The following RYR3 variants were observed in gnomAD, a reference collection of about 807,000 sequenced individuals.
RYR3 encodes the protein ryanodine receptor 3, also known as brain ryanodine receptor-calcium release channel.
A neutral mutation model predicts 584.3 loss-of-function variants in RYR3; 207 were observed. The observed-to-expected ratio is 0.35, with a 90% CI of 0.32 to 0.40. RYR3 has a LOEUF of 0.40. RYR3 is among the 10% of genes least tolerant of loss of function. RYR3 has a pLI of 1.00. For missense variants in RYR3, 5,616 were observed against 6,089.2 expected (o/e 0.92, Z 2.59); for synonymous variants, 2,416 against 2,248.5 (o/e 1.07, Z -2.11).
intron 85 of RYR3, among the ~76,000 whole-genome samples, chr15:33,828,608 A>G (rs8036469): frequency 0.68 from 103,088 of 152,118 alleles, 35,423 homozygotes; most frequent in South Asian, 0.79. Context: ...CAACATTCTC[A>G]TAAGCCACAA....
At chr15:33,748,007 T>C in intron 53 of RYR3, 107 bp from the exon 54 acceptor site, 1 of 990,138 alleles carries the variant, frequency 1.0e-6, no homozygotes, top group Admixed American at 2.0e-5. Context: ...AGGCTGGTGC[T>C]AACTAGCACC....
chr15:33,528,047 A>G (rs933011558), intron 3 of RYR3, among the ~76,000 whole-genome samples: 3 of 152,256 alleles, frequency 2.0e-5, no homozygotes, highest in South Asian at 2.1e-4. Flanking sequence ...ACCCCTCGTA[A>G]TGCTTTCATG....
chr15:33,550,072 G>A, intron 9 of RYR3, 88 bp from the exon 10 acceptor site: 1 of 1,361,496 alleles, frequency 7.3e-7, no homozygotes, highest in South Asian at 1.4e-5. Flanking sequence ...TTATAAGTCT[G>A]CTAGCATGTG....
chr15:33,446,221 G>A (rs913827078), intron 1 of RYR3, among the ~76,000 whole-genome samples: 6 of 152,214 alleles, frequency 3.9e-5, no homozygotes, highest in Admixed American at 2.0e-4. Context: ...TGTTCTCCTC[G>A]CAAGGACCAG....
rs192996620 is a variant in RYR3 at position 33,311,111 on chromosome 15, C to T, written c.51+15C>T. The T allele has an allele frequency of 5.1e-6, 8 of 1,564,094 alleles. No homozygotes were observed. The highest frequency in any genetic ancestry group is 4.2e-5 in the African/African-American group (3 of 71,208). ...TTCTGAGGACTGTGAGTCTCCGCGG[C>T]GGGGGCGAGGCCGTGGGCAGGTGGG... On this transcript the variant is annotated intron_variant, in intron 1 of 103. Coordinates refer to ENST00000634891, the MANE Select transcript of RYR3 (RefSeq NM_001036.6). The surrounding 1 kb of genome is among the most constrained non-coding windows in gnomAD (Gnocchi z 4.4).
At chr15:33,433,226 C>T (rs1015688261) in intron 1 of RYR3, among the ~76,000 whole-genome samples, 2 of 152,144 alleles carry the variant, frequency 1.3e-5, no homozygotes, top group African/African-American at 4.8e-5. Flanking sequence ...CGAGGGGTCC[C>T]TATACTGCTT....
chr15:33,553,690 T>C (rs892856325), intron 10 of RYR3, among the ~76,000 whole-genome samples: 2 of 152,176 alleles, frequency 1.3e-5, no homozygotes, highest in Non-Finnish European at 2.9e-5. Flanking sequence ...GGATGTAGTA[T>C]TACTTCCAAA....
chr15:33,523,871 A>G (rs1244501563), intron 3 of RYR3, among the ~76,000 whole-genome samples: 2 of 152,082 alleles, frequency 1.3e-5, no homozygotes, highest in East Asian at 3.9e-4. Context: ...GGTATCGTCA[A>G]TAAAGGCTGC....
At chr15:33,800,195 G>A (rs955296487) in intron 67 of RYR3, among the ~76,000 whole-genome samples, 3 of 152,112 alleles carry the variant, frequency 2.0e-5, no homozygotes, top group Non-Finnish European at 4.4e-5. Flanking sequence ...GAAGATAATT[G>A]ATCTCTGCTT....
In RYR3 at chr15:33,585,979, G is replaced by A. The variant is rs965451708; in HGVS notation, c.1670-19G>A. The A allele has an allele frequency of 6.0e-6, 9 of 1,492,106 alleles. No homozygotes were observed. The Admixed American group carries it at 8.4e-5, about 14-fold the overall frequency. The allele number at this position is 1,492,106 out of a possible 1,614,324, so 92.4% of individuals were successfully genotyped here. ...AGGGCATTTAATGTCCAAATTTGAT[G>A]TTTGTGGCATTCATGTAGGTATCTT... On this transcript the variant is annotated intron_variant, in intron 15 of 103. Coordinates refer to ENST00000634891, the MANE Select transcript of RYR3 (RefSeq NM_001036.6).
intron 2 of RYR3, among the ~76,000 whole-genome samples, chr15:33,477,563 A>C (rs1596306515): frequency 1.8e-5 from 2 of 109,052 alleles, no homozygotes; most frequent in Admixed American, 9.6e-5. Context: ...ATTTAAAGGT[A>C]TCTTGTTTTG....
At chr15:33,700,127 C>T (rs573586968) in intron 41 of RYR3, among the ~76,000 whole-genome samples, 1 of 152,304 alleles carries the variant, frequency 6.6e-6, no homozygotes, top group African/African-American at 2.4e-5. Context: ...CAAAATGCCC[C>T]TGGGATTGCA....
At chr15:33,586,827 T>G (rs900809779) in intron 16 of RYR3, among the ~76,000 whole-genome samples, 5 of 151,372 alleles carry the variant, frequency 3.3e-5, no homozygotes, top group Non-Finnish European at 5.9e-5. Flanking sequence ...ATATGGGGAG[T>G]TTTTTTTCCT....
chr15:33,707,484 G>A (rs1361633756), intron 43 of RYR3, among the ~76,000 whole-genome samples: 1 of 152,088 alleles, frequency 6.6e-6, no homozygotes, highest in Non-Finnish European at 1.5e-5. Flanking sequence ...TAAAAGATAA[G>A]TAAACTCCCA....
At chr15:33,524,409 A>C (rs774378249) in intron 3 of RYR3, among the ~76,000 whole-genome samples, 1 of 152,188 alleles carries the variant, frequency 6.6e-6, no homozygotes, top group Non-Finnish European at 1.5e-5. Context: ...ATAATTTACT[A>C]GGTAATATTT....
chr15:33,531,979 T>G lies in RYR3; in HGVS notation c.354+1313T>G, dbSNP rs999412280. On this transcript the variant is annotated intron_variant, in intron 4 of 103. Transcript: ENST00000634891. ...AATATCATGGTAGTGACACAAAGAC[T>G]TGCATTATTTACATTAAGTTTACCC... Among the ~76,000 whole-genome samples, 8 of 152,120 alleles carry G rather than the reference T, an allele frequency of 5.3e-5. No homozygotes were observed. In the South Asian group the frequency reaches 1.7e-3, roughly 32 times the overall value.
chr15:33,607,515 G>A (rs2059966927), intron 18 of RYR3, among the ~76,000 whole-genome samples: 1 of 152,078 alleles, frequency 6.6e-6, no homozygotes, highest in Non-Finnish European at 1.5e-5. Context: ...AGCACTTGAG[G>A]CTGCTCTTAG....
intron 65 of RYR3, among the ~76,000 whole-genome samples, chr15:33,783,133 C>T (rs772814512): frequency 4.6e-5 from 7 of 152,158 alleles, no homozygotes; most frequent in East Asian, 1.9e-4. Flanking sequence ...AATTCTAACG[C>T]GCATCAGAAT....
At chr15:33,319,488 G>C (rs1968659629) in intron 1 of RYR3, among the ~76,000 whole-genome samples, 1 of 152,210 alleles carries the variant, frequency 6.6e-6, no homozygotes, top group Non-Finnish European at 1.5e-5. Flanking sequence ...GGCTAGAAGA[G>C]AACAGTTCAA....
Sources: allele counts gnomAD v4.1 joint callset (sites outside exome capture counted in the v4.1 genomes callset), GRCh38; gene constraint gnomAD v4.1.1; non-coding constraint Gnocchi (gnomAD v3.1); transcripts MANE v1.5; gene names NCBI Gene and HGNC (gene_info 2026-07-23, HGNC 2026-07-21).